Variants in PLEKHG1 observed in about 807,000 individuals in gnomAD.
PLEKHG1 encodes the protein pleckstrin homology domain-containing family G member 1.
Under a neutral mutation model 100.8 loss-of-function variants are expected in PLEKHG1, and 44 were observed. That is an observed-to-expected ratio of 0.44 (90% CI 0.34 to 0.56). The LOEUF is 0.56. Ranked by LOEUF, PLEKHG1 falls within the 20% of genes least tolerant of loss-of-function variation. The pLI, the probability that PLEKHG1 is intolerant of heterozygous loss-of-function variation, is 0.01. For missense variants in PLEKHG1, 1,545 were observed against 1,720.9 expected, an observed-to-expected ratio of 0.90 and a Z score of 1.81; for synonymous variants, 640 against 662.5, an observed-to-expected ratio of 0.97 and a Z score of 0.52.
intron 2 of PLEKHG1, among the ~76,000 whole-genome samples, chr6:150,765,051 G>A (rs1285082829): frequency 6.6e-6 from 1 of 152,032 alleles, no homozygotes; most frequent in Non-Finnish European, 1.5e-5. Flanking sequence ...GAATGTTAAT[G>A]TGCTTTTAAA....
intron 10 of PLEKHG1, among the ~76,000 whole-genome samples, chr6:150,817,640 C>T (rs1776052313): frequency 6.6e-6 from 1 of 150,610 alleles, no homozygotes. Context: ...TCACTGCAAC[C>T]TCCGCTTCCT....
intron 1 of PLEKHG1, among the ~76,000 whole-genome samples, chr6:150,623,032 T>C (rs541518178): frequency 9.9e-5 from 15 of 152,186 alleles, no homozygotes; most frequent in South Asian, 4.2e-4. Flanking sequence ...TTTTTTTTTT[T>C]TCTCTGTAGG....
intron 2 of PLEKHG1, among the ~76,000 whole-genome samples, chr6:150,768,353 C>T (rs144115995): frequency 9.8e-5 from 15 of 152,310 alleles, no homozygotes; most frequent in East Asian, 1.9e-4. Context: ...CCAAAACTGA[C>T]GTTATTGGCA....
intron 3 of PLEKHG1, among the ~76,000 whole-genome samples, chr6:150,665,302 A>G (rs1041010833): frequency 9.8e-5 from 15 of 152,332 alleles, no homozygotes; most frequent in African/African-American, 3.6e-4. Context: ...TAGAAAAAAT[A>G]GAACTTTTCT....
chr6:150,663,034 G>C (rs1051862109), intron 3 of PLEKHG1: 29 of 148,724 alleles, frequency 1.9e-4, no homozygotes, highest in Admixed American at 1.8e-3. Flanking sequence ...TTGTTGACAT[G>C]AAATGCTGAC....
chr6:150,745,107 T>C (rs1463449106), intron 2 of PLEKHG1, among the ~76,000 whole-genome samples: 2 of 152,210 alleles, frequency 1.3e-5, no homozygotes, highest in East Asian at 1.9e-4. Flanking sequence ...ACAGGCATCA[T>C]AGAGTTTACT....
chr6:150,688,627 C>T (rs1282242880), intron 3 of PLEKHG1, among the ~76,000 whole-genome samples: 3 of 152,120 alleles, frequency 2.0e-5, no homozygotes, highest in Non-Finnish European at 4.4e-5. Context: ...GCCACCAAGC[C>T]CAACCATTTA....
chr6:150,690,765 T>TA (rs1022303549), intron 3 of PLEKHG1, among the ~76,000 whole-genome samples: 4 of 152,232 alleles, frequency 2.6e-5, no homozygotes, highest in African/African-American at 9.6e-5. Context: ...AACAAACATT[T>TA]GCACGTTTTA....
chr6:150,843,409 G>A (rs1170904897), exon 16 of PLEKHG1: 1 of 152,020 alleles, frequency 6.6e-6, no homozygotes, highest in Non-Finnish European at 1.5e-5. Context: ...AATTGCTTTT[G>A]TTTAAAACAG....
At chr6:150,729,994 C>A (rs898187343) in intron 1 of PLEKHG1, among the ~76,000 whole-genome samples, 4 of 152,116 alleles carry the variant, frequency 2.6e-5, no homozygotes, top group South Asian at 4.2e-4. Context: ...CCTCTTTAAT[C>A]CTTCTGTCCC....
At chr6:150,783,090 TA>T (rs34010475) in intron 3 of PLEKHG1, among the ~76,000 whole-genome samples, 2 of 137,172 alleles carry the variant, frequency 1.5e-5, no homozygotes, top group Non-Finnish European at 3.2e-5. Flanking sequence ...AACACATGTT[TA>T]AAAAAAAACT....
intron 4 of PLEKHG1, among the ~76,000 whole-genome samples, chr6:150,791,903 TCTAA>T (rs1202489923): frequency 2.0e-5 from 3 of 152,178 alleles, no homozygotes; most frequent in East Asian, 1.9e-4. Context: ...CAAATACATC[TCTAA>T]CTGTTTAATA....
At chr6:150,801,379 A>C (rs981884712) in intron 6 of PLEKHG1, among the ~76,000 whole-genome samples, 2 of 152,062 alleles carry the variant, frequency 1.3e-5, no homozygotes, top group Non-Finnish European at 2.9e-5. Context: ...TGCAAAATGC[A>C]AGAAGGCTTT....
rs1334611054 is a variant in PLEKHG1, at chr6:150,809,370, C to G, written c.1096-11C>G. The stretch of plus-strand genomic sequence containing the variant: ...GAGTGTGCCTCACCCTCTCTGCTCT[C>G]TCTGCTCTAGTGTGGCAACCTCATG... On this transcript the variant is annotated splice_polypyrimidine_tract_variant and intron_variant, in intron 8 of 15. Coordinates refer to ENST00000358517, the Ensembl canonical transcript of PLEKHG1. 1 of 1,613,156 alleles carries G rather than the reference C, an allele frequency of 6.2e-7. No homozygotes were observed. Among genetic ancestry groups the G allele is most frequent in the Non-Finnish European group, 8.5e-7 (1 of 1,179,498 alleles).
chr6:150,724,558 CTTTTTTT>C (rs34140367), intron 1 of PLEKHG1, among the ~76,000 whole-genome samples: 1 of 100,470 alleles, frequency 1.0e-5, no homozygotes, highest in East Asian at 2.8e-4. Flanking sequence ...TTTTCTTTTT[CTTTTTTT>C]TTTTTTTTTT....
intron 1 of PLEKHG1, among the ~76,000 whole-genome samples, chr6:150,611,798 T>C (rs7758632): frequency 0.81 from 118,565 of 147,264 alleles, 47,749 homozygotes; most frequent in Admixed American, 0.85. Context: ...GGTGACAGAG[T>C]GAGACTCCAT....
intron 7 of PLEKHG1, among the ~76,000 whole-genome samples, chr6:150,805,412 A>G (rs1787011367): frequency 6.6e-6 from 1 of 152,182 alleles, no homozygotes; most frequent in Non-Finnish European, 1.5e-5. Context: ...TTCCTGCAAA[A>G]TCATGAGGTG....
chr6:150,797,618 T>C (rs372025464), intron 5 of PLEKHG1, among the ~76,000 whole-genome samples: 82 of 151,840 alleles, frequency 5.4e-4, no homozygotes, highest in African/African-American at 2.0e-3. Context: ...GCACATCACC[T>C]GAGGTCAGGA....
At chr6:150,830,212 A>G (rs901645241) in intron 14 of PLEKHG1, among the ~76,000 whole-genome samples, 4 of 152,226 alleles carry the variant, frequency 2.6e-5, no homozygotes, top group Non-Finnish European at 4.4e-5. Context: ...CTAATTTCAT[A>G]AAATGATTGT....
Sources: gnomAD v4.1 joint callset for allele counts (sites outside exome capture counted in the v4.1 genomes callset) on GRCh38, gnomAD v4.1.1 for gene constraint, MANE v1.5 for transcripts, NCBI Gene and HGNC (gene_info 2026-07-23, HGNC 2026-07-21) for gene names.